IMMP2L: variants seen among roughly 807,000 people sequenced by gnomAD.
The protein encoded by IMMP2L is mitochondrial inner membrane protease subunit 2.
Under a neutral mutation model 19.3 loss-of-function variants are expected in IMMP2L, and 18 were observed. The ratio of observed to expected loss-of-function variants is 0.93; its 90% CI spans 0.64 to 1.38. IMMP2L has a LOEUF of 1.38. Ranked by LOEUF, IMMP2L falls within the 40% of genes most tolerant of loss-of-function variation. IMMP2L has a pLI of 0.00. For synonymous variants in IMMP2L, 76 were observed against 73.0 expected (o/e 1.04, Z -0.21); for missense variants, 233 against 218.2 (o/e 1.07, Z -0.43).
At chr7:111,328,254 G>C (rs933872189) in intron 3 of IMMP2L, among the ~76,000 whole-genome samples, 2 of 151,644 alleles carry the variant, frequency 1.3e-5, no homozygotes, top group Non-Finnish European at 2.9e-5. Context: ...GGTTACAAAG[G>C]AATATTAAAG....
chr7:111,427,877 A>G (rs1052670267), intron 3 of IMMP2L, among the ~76,000 whole-genome samples: 1 of 151,894 alleles, frequency 6.6e-6, no homozygotes, highest in Non-Finnish European at 1.5e-5. Flanking sequence ...AGGTAAGTTC[A>G]TATCACTGAC....
chr7:110,836,245 T>C (rs1804462278), intron 5 of IMMP2L, among the ~76,000 whole-genome samples: 1 of 152,164 alleles, frequency 6.6e-6, no homozygotes, highest in Non-Finnish European at 1.5e-5. Context: ...GCTGGTTGTG[T>C]TCCAGAATTT....
At chr7:111,301,034 T>C (rs1179329427) in intron 3 of IMMP2L, among the ~76,000 whole-genome samples, 3 of 152,040 alleles carry the variant, frequency 2.0e-5, no homozygotes, top group Admixed American at 6.6e-5. Flanking sequence ...TTTTCCAGAG[T>C]GGCTGTACAA....
chr7:111,461,261 T>C (rs907868423), intron 3 of IMMP2L, among the ~76,000 whole-genome samples: 14 of 152,058 alleles, frequency 9.2e-5, no homozygotes, highest in African/African-American at 9.7e-5. Flanking sequence ...AAAGCCAATA[T>C]GGTATCTGGG....
intron 1 of IMMP2L, among the ~76,000 whole-genome samples, chr7:111,538,949 G>A (rs566359192): frequency 6.7e-5 from 10 of 149,614 alleles, no homozygotes; most frequent in Admixed American, 1.3e-4. Context: ...GTGAAACCCC[G>A]TCTCTACTAA....
At chr7:111,183,177 A>C (rs980481393) in intron 3 of IMMP2L, among the ~76,000 whole-genome samples, 2 of 152,136 alleles carry the variant, frequency 1.3e-5, no homozygotes, top group African/African-American at 2.4e-5. Context: ...GTGATATTTC[A>C]AATAAGTAAG....
At chr7:110,909,291 T>G (rs915826347) in intron 4 of IMMP2L, among the ~76,000 whole-genome samples, 1 of 152,138 alleles carries the variant, frequency 6.6e-6, no homozygotes, top group African/African-American at 2.4e-5. Flanking sequence ...AATCAATTGG[T>G]TAGGTGCCTA....
chr7:110,669,341 G>A (rs886646216), intron 5 of IMMP2L, among the ~76,000 whole-genome samples: 42 of 152,234 alleles, frequency 2.8e-4, no homozygotes, highest in African/African-American at 9.6e-4. Context: ...TTACTCAGGG[G>A]AAGTCATCCT....
At chr7:111,148,732 A>G (rs1803751442) in intron 3 of IMMP2L, among the ~76,000 whole-genome samples, 1 of 151,764 alleles carries the variant, frequency 6.6e-6, no homozygotes, top group Non-Finnish European at 1.5e-5. Flanking sequence ...AATTGCAAAC[A>G]GTGGATGACA....
At chr7:111,395,755 T>A (rs940285633) in intron 3 of IMMP2L, among the ~76,000 whole-genome samples, 4 of 152,088 alleles carry the variant, frequency 2.6e-5, no homozygotes, top group Admixed American at 2.6e-4. Context: ...TATTGGGCAT[T>A]AATTCCATCT....
intron 3 of IMMP2L, among the ~76,000 whole-genome samples, chr7:111,301,921 TAAAAAAAAA>T (rs59156229): frequency 1.9e-4 from 16 of 83,158 alleles, no homozygotes; most frequent in African/African-American, 2.4e-4. Flanking sequence ...TTTCATGCTT[TAAAAAAAAA>T]AAAAAAAAAA....
chr7:110,916,731 C>T (rs1813653544), intron 4 of IMMP2L, among the ~76,000 whole-genome samples: 1 of 152,150 alleles, frequency 6.6e-6, no homozygotes, highest in South Asian at 2.1e-4. Context: ...CATCAACTTG[C>T]TAATTTTATA....
Position 110,727,492 on chromosome 7 carries a change from C to T in IMMP2L, c.409-63771G>A, listed in dbSNP as rs1387381064. ...ATGGAACTTATCAAGGAAGAACTTT[C>T]CTATCACTGTTTCCTCCTCTCCCTC... On this transcript the variant is annotated intron_variant, in intron 5 of 5. Transcript: ENST00000405709. This position sits in a 1 kb window ranked among gnomAD's most constrained non-coding sequence, Gnocchi z 4.3. Among the ~76,000 whole-genome samples the T allele has an allele frequency of 6.6e-6, 1 of 152,134 alleles. No homozygotes were observed. Among genetic ancestry groups the T allele is most frequent in the Non-Finnish European group, 1.5e-5 (1 of 68,018 alleles).
chr7:110,859,123 A>G (rs998582415), intron 5 of IMMP2L, among the ~76,000 whole-genome samples: 1 of 152,096 alleles, frequency 6.6e-6, no homozygotes, highest in Admixed American at 6.6e-5. Context: ...TTTGATTGAT[A>G]TAAAATGTAA....
chr7:110,747,653 G>C (rs1797441129), intron 5 of IMMP2L, among the ~76,000 whole-genome samples: 2 of 152,090 alleles, frequency 1.3e-5, no homozygotes. Context: ...AAAACCACAT[G>C]ATTATATCAA....
At chr7:111,234,678 A>G (rs1399408679) in intron 3 of IMMP2L, among the ~76,000 whole-genome samples, 1 of 151,870 alleles carries the variant, frequency 6.6e-6, no homozygotes, top group African/African-American at 2.4e-5. Context: ...TGCATATTTT[A>G]TATTATTCCA....
At chr7:110,715,359 T>C (rs762580100) in intron 5 of IMMP2L, among the ~76,000 whole-genome samples, 1 of 152,154 alleles carries the variant, frequency 6.6e-6, no homozygotes, top group African/African-American at 2.4e-5. Flanking sequence ...TGTGATGTTA[T>C]ATCATTAATT....
rs910867027 is a variant in IMMP2L, at chr7:110,761,337, A to G, written c.409-97616T>C. 4.6e-5 allele frequency among the ~76,000 whole-genome samples: 7 copies of G among 152,284 alleles called. No individual in the cohort carries two copies. In the East Asian group the frequency reaches 7.7e-4, roughly 17 times the overall value. Reference sequence around the variant, plus strand: ...ACTGTTTAGCAAACAAAGCTTTCCAATGATCAATGATGTCCTTTCCATGAC... The same window carrying G: ...ACTGTTTAGCAAACAAAGCTTTCCAGTGATCAATGATGTCCTTTCCATGAC... On this transcript the variant is annotated intron_variant, in intron 5 of 5. Transcript: ENST00000405709.
intron 3 of IMMP2L, among the ~76,000 whole-genome samples, chr7:111,428,857 TTCCATAAGTACTTACAAAGC>T (rs1309388331): frequency 1.3e-5 from 2 of 151,898 alleles, no homozygotes; most frequent in Admixed American, 6.6e-5. Context: ...TTCTTTCATT[TTCCATAAGTACTTACAAAGC>T]TCCATAAGTA....
Sources: gnomAD v4.1 joint callset for allele counts (sites outside exome capture counted in the v4.1 genomes callset) on GRCh38, gnomAD v4.1.1 for gene constraint, Gnocchi (gnomAD v3.1) non-coding constraint, MANE v1.5 for transcripts, NCBI Gene and HGNC (gene_info 2026-07-23, HGNC 2026-07-21) for gene names.